PEX7: variants seen among roughly 807,000 people sequenced by gnomAD.
The protein encoded by PEX7 is peroxisomal biogenesis factor 7.
PEX7 carries 34 observed loss-of-function variants against 47.5 expected under a neutral mutation model. That is an observed-to-expected ratio of 0.72 (90% CI 0.54 to 0.95). The LOEUF (loss-of-function observed/expected upper bound fraction) is 0.95, where lower values mean the gene tolerates loss of function less well. PEX7 is among the 40% of genes least tolerant of loss of function. The pLI, the probability that PEX7 is intolerant of heterozygous loss-of-function variation, is 0.00. For synonymous variants in PEX7, 141 were observed against 148.8 expected (o/e 0.95, Z 0.38); for missense variants, 394 against 400.3 (o/e 0.98, Z 0.13).
intron 8 of PEX7, among the ~76,000 whole-genome samples, chr6:136,886,008 G>A (rs1775462258): frequency 1.3e-5 from 2 of 152,184 alleles, no homozygotes; most frequent in Admixed American, 1.3e-4. Context: ...TAAGTACTAT[G>A]TAAGTGTTTG....
rs1034469374 is a variant in PEX7 at position 136,902,242 on chromosome 6, C to T, written c.903+4001C>T. On this transcript the variant is annotated intron_variant, in intron 9 of 9. Transcript: ENST00000318471. ...TGTCTTTCCATCTGCTTTCATATAC[C>T]TATTGTCTTTTGTGATCTTAGCAGC... Among the ~76,000 whole-genome samples the T allele has an allele frequency of 6.6e-5, 10 of 152,152 alleles. 1 individual carries two copies. The highest frequency in any genetic ancestry group is 6.5e-4 in the Admixed American group (10 of 15,288).
intron 8 of PEX7, among the ~76,000 whole-genome samples, chr6:136,890,369 A>G (rs916040647): frequency 1.3e-5 from 2 of 152,234 alleles, no homozygotes; most frequent in Non-Finnish European, 2.9e-5. Flanking sequence ...CAAAGGCAGA[A>G]GCACGGTGTG....
At chr6:136,860,790 A>G (rs1430042809) in intron 5 of PEX7, among the ~76,000 whole-genome samples, 2 of 152,166 alleles carry the variant, frequency 1.3e-5, no homozygotes, top group African/African-American at 2.4e-5. Context: ...TTAGTATACA[A>G]TTTGGTGAAT....
intron 8 of PEX7, among the ~76,000 whole-genome samples, chr6:136,892,000 A>G (rs892056707): frequency 6.6e-6 from 1 of 152,190 alleles, no homozygotes; most frequent in East Asian, 1.9e-4. Context: ...TGTGTTCTAT[A>G]GGGGGTTCAT....
intron 8 of PEX7, among the ~76,000 whole-genome samples, chr6:136,878,466 T>C (rs1312640030): frequency 1.3e-5 from 2 of 152,222 alleles, no homozygotes; most frequent in African/African-American, 4.8e-5. Flanking sequence ...CTTATTATTT[T>C]GAGATACTCT....
At chr6:136,892,018 G>A (rs1775564133) in intron 8 of PEX7, among the ~76,000 whole-genome samples, 1 of 152,156 alleles carries the variant, frequency 6.6e-6, no homozygotes, top group African/African-American at 2.4e-5. Context: ...CATTGCAAAA[G>A]GATGGAAATC....
chr6:136,869,751 G>C, intron 6 of PEX7, 139 bp from the exon 7 acceptor site: 2 of 772,530 alleles, frequency 2.6e-6, no homozygotes, highest in East Asian at 2.5e-5. Flanking sequence ...GTCTATACTT[G>C]TTATACAACT....
intron 9 of PEX7, among the ~76,000 whole-genome samples, chr6:136,902,475 A>C (rs921963012): frequency 3.3e-5 from 5 of 152,180 alleles, no homozygotes; most frequent in Admixed American, 6.5e-5. Context: ...TAAAAGTTTA[A>C]AACTTGACAA....
intron 5 of PEX7, among the ~76,000 whole-genome samples, chr6:136,863,054 A>G (rs181878617): frequency 2.4e-4 from 36 of 152,344 alleles, no homozygotes; most frequent in African/African-American, 8.4e-4. Flanking sequence ...TAGACCACAG[A>G]CAGTGATTAT....
chr6:136,831,046 T>A (rs904112502), intron 3 of PEX7, among the ~76,000 whole-genome samples: 1 of 152,236 alleles, frequency 6.6e-6, no homozygotes, highest in African/African-American at 2.4e-5. Flanking sequence ...TTTTTGATAA[T>A]GATAGAAGCT....
intron 8 of PEX7, among the ~76,000 whole-genome samples, chr6:136,888,150 C>T (rs1406568037): frequency 6.6e-6 from 1 of 152,066 alleles, no homozygotes; most frequent in Non-Finnish European, 1.5e-5. Context: ...ACAAACCTTT[C>T]ATTTCAACTT....
At position 136,846,888 on chromosome 6, in the gene PEX7, C is replaced by T. The variant is rs1165788114; in HGVS notation, c.526+707C>T. Among the ~76,000 whole-genome samples, 6 of 152,272 alleles carry T rather than the reference C, an allele frequency of 3.9e-5. 1 individual carries two copies. In the South Asian group the frequency reaches 1.0e-3, roughly 26 times the overall value. On this transcript the variant is annotated intron_variant, in intron 5 of 9. Coordinates refer to ENST00000318471, the MANE Select transcript of PEX7 (RefSeq NM_000288.4). The stretch of plus-strand genomic sequence containing the variant: ...GGAATGGCTGGGTCAAATGGTATTT[C>T]TAGTTCTAGATCCTTGAGGAATCGC...
At position 136,866,665 on chromosome 6, in the gene PEX7, G is replaced by C; in HGVS notation, c.565G>C (p.Gly189Arg). 1 of 1,614,052 alleles carries C rather than the reference G, an allele frequency of 6.2e-7. No homozygotes were observed. Among genetic ancestry groups the C allele is most frequent in the Non-Finnish European group, 8.5e-7 (1 of 1,179,962 alleles). Residue 189 changes from glycine to arginine, a missense_variant, in exon 6 of 10, where the codon GGA becomes CGA. By Grantham distance (125) the Gly-to-Arg change is moderately radical. Coordinates refer to ENST00000318471, the MANE Select transcript of PEX7 (RefSeq NM_000288.4). ...GAGAATATGGGATGTGAAGGCAGCA[G>C]GAGTAAGAATCGTGATTCCTGCACA... is the stretch of plus-strand genomic sequence containing the variant. The part of the protein sequence containing the change: ...TLRIWDVKAA[G>R]VRIVIPAHQA...
chr6:136,886,421 G>T (rs1289452470), intron 8 of PEX7, among the ~76,000 whole-genome samples: 1 of 152,026 alleles, frequency 6.6e-6, no homozygotes, highest in Non-Finnish European at 1.5e-5. Context: ...GATGTTCAGA[G>T]GATTAAATGA....
intron 9 of PEX7, among the ~76,000 whole-genome samples, chr6:136,905,975 A>G (rs1775838819): frequency 6.6e-6 from 1 of 152,204 alleles, no homozygotes; most frequent in African/African-American, 2.4e-5. Context: ...AATCCAGACA[A>G]TGCCTTTCTA....
chr6:136,888,221 C>T (rs1441864395), intron 8 of PEX7, among the ~76,000 whole-genome samples: 1 of 152,102 alleles, frequency 6.6e-6, no homozygotes, highest in Non-Finnish European at 1.5e-5. Context: ...AGAAATGTGG[C>T]TGAATATGAG....
intron 8 of PEX7, among the ~76,000 whole-genome samples, chr6:136,882,753 A>G (rs1003496104): frequency 6.6e-5 from 10 of 151,746 alleles, no homozygotes; most frequent in African/African-American, 1.9e-4. Flanking sequence ...ATATCTCTCT[A>G]TATCTTTAGT....
chr6:136,881,217 G>C (rs138489158), intron 8 of PEX7, among the ~76,000 whole-genome samples: 1 of 152,302 alleles, frequency 6.6e-6, no homozygotes, highest in East Asian at 1.9e-4. Context: ...CAGCCCACCA[G>C]GAACAGGAGG....
At chr6:136,875,211 C>CT (rs1392641873) in intron 8 of PEX7, among the ~76,000 whole-genome samples, 1 of 149,868 alleles carries the variant, frequency 6.7e-6, no homozygotes, top group Non-Finnish European at 1.5e-5. Context: ...CTTTTTGGTA[C>CT]TTTCTTTTTG....
Sources: allele counts gnomAD v4.1 joint callset (sites outside exome capture counted in the v4.1 genomes callset), GRCh38; gene constraint gnomAD v4.1.1; transcripts MANE v1.5; gene names NCBI Gene and HGNC (gene_info 2026-07-23, HGNC 2026-07-21).